The following FAM120C variants were observed in gnomAD, a reference collection of about 807,000 sequenced individuals.
The protein encoded by FAM120C is constitutive coactivator of PPAR-gamma-like protein 2.
A neutral mutation model predicts 71.2 loss-of-function variants in FAM120C; 14 were observed. The ratio of observed to expected loss-of-function variants is 0.20; its 90% CI spans 0.13 to 0.31. The LOEUF is 0.31. FAM120C is among the 10% of genes least tolerant of loss of function. FAM120C has a pLI of 1.00. For synonymous variants in FAM120C, 354 were observed against 353.2 expected, an observed-to-expected ratio of 1.00 and a Z score of -0.03; for missense variants, 500 against 879.0, an observed-to-expected ratio of 0.57 and a Z score of 5.45.
intron 15 of FAM120C, among the ~76,000 whole-genome samples, chrX:54,078,358 G>C (rs1557120935): frequency 1.8e-5 from 2 of 111,339 alleles, no homozygotes; most frequent in Non-Finnish European, 3.8e-5. Flanking sequence ...GAGCCTATCT[G>C]GTGATTAGCT....
At chrX:54,162,451 A>T (rs2067239955) in intron 1 of FAM120C, among the ~76,000 whole-genome samples, 1 of 111,854 alleles carries the variant, frequency 8.9e-6, no homozygotes, top group South Asian at 3.7e-4. Context: ...TCACAGAACT[A>T]ATTTGACAAT....
chrX:54,124,855 C>A (rs1407604478), intron 9 of FAM120C, among the ~76,000 whole-genome samples: 1 of 112,173 alleles, frequency 8.9e-6, no homozygotes, highest in African/African-American at 3.2e-5. Context: ...CTGTGCATGT[C>A]TTTTGCCAAT....
At chrX:54,148,661 G>A (rs934279665) in intron 4 of FAM120C, among the ~76,000 whole-genome samples, 2 of 111,526 alleles carry the variant, frequency 1.8e-5, no homozygotes, top group Non-Finnish European at 3.8e-5. Flanking sequence ...AGAAAAAAAT[G>A]TTCATCATTA....
At chrX:54,129,596 C>T (rs1557128893) in intron 9 of FAM120C, among the ~76,000 whole-genome samples, 2 of 111,605 alleles carry the variant, frequency 1.8e-5, no homozygotes, top group Non-Finnish European at 1.9e-5. Context: ...GGCAGAGACG[C>T]TCCTCACTTC....
chrX:54,112,341 C>G (rs1458229227), intron 10 of FAM120C, among the ~76,000 whole-genome samples: 1 of 109,805 alleles, frequency 9.1e-6, no homozygotes, highest in Non-Finnish European at 1.9e-5. Flanking sequence ...CGCTTGAACC[C>G]GAAAGGCAGA....
At chrX:54,132,938 A>G (rs1182265325) in intron 8 of FAM120C, 75 bp from the exon 9 acceptor site, 1 of 857,432 alleles carries the variant, frequency 1.2e-6, no homozygotes, top group Non-Finnish European at 1.6e-6. Flanking sequence ...AGAAGAGCCA[A>G]TAATAAACTG....
chrX:54,105,199 C>G (rs2066900635), intron 10 of FAM120C, among the ~76,000 whole-genome samples: 2 of 111,487 alleles, frequency 1.8e-5, no homozygotes, highest in South Asian at 3.8e-4. Context: ...ACATCAAAAA[C>G]CTTGTCCACC....
At position 54,113,930 on chromosome X, in the gene FAM120C, G is replaced by GA. The variant is rs1274913369; in HGVS notation, c.2312+2614dup. 4.6e-3 allele frequency among the ~76,000 whole-genome samples: 486 copies of GA among 105,877 alleles called. 3 individuals carry two copies. Among genetic ancestry groups the GA allele is most frequent in the Non-Finnish European group, 6.3e-3 (325 of 51,272 alleles). The allele number at this position is 105,877 out of a possible 115,157, so 91.9% of individuals were successfully genotyped here. ...AAACTCCATCTCAAAAAAAAGAAAA[G>GA]AAAAAAAAAGCCTGCACCTGTATGT... is the stretch of plus-strand genomic sequence containing the variant. On this transcript the variant is annotated intron_variant, in intron 10 of 15. Transcript: ENST00000375180.
chrX:54,174,179 A>T (rs1557136359), intron 1 of FAM120C: 1 of 512,609 alleles, frequency 2.0e-6, no homozygotes. Flanking sequence ...GAAGAGCCAG[A>T]GAGAAAGAGA....
At chrX:54,134,694 A>C (rs1557130088) in intron 7 of FAM120C, 137 bp downstream of exon 7, 6 of 619,995 alleles carry the variant, frequency 9.7e-6, no homozygotes, top group Non-Finnish European at 1.4e-5. Flanking sequence ...ACGTTTTCCT[A>C]CTTTGCTTTC....
In FAM120C at chrX:54,129,508, C is replaced by G. The variant is rs781786882; in HGVS notation, c.2062+3184G>C. Among the ~76,000 whole-genome samples the G allele has an allele frequency of 8.4e-5, 9 of 107,356 alleles. No individual in the cohort carries two copies. In the South Asian group the frequency reaches 3.4e-3, roughly 41 times the overall value. The allele number at this position is 107,356 out of a possible 115,157, so 93.2% of individuals were successfully genotyped here. The stretch of plus-strand genomic sequence containing the variant: ...CTCACTTCCTAGATCGGATGGAGGC[C>G]GGGCAGAGACGCTCCTCACTTTCCA... On this transcript the variant is annotated intron_variant, in intron 9 of 15. Coordinates refer to ENST00000375180, the MANE Select transcript of FAM120C (RefSeq NM_017848.6).
At position 54,068,362 on chromosome X, in the gene FAM120C, A is replaced by G. The variant is rs1167654100; in HGVS notation, c.*4671T>C. ...TTTTTTACTAAAAGAATAGATTTTT[A>G]TTAAGCGTTGTAAGTTTCTTTCCAT... On this transcript the variant is annotated 3_prime_UTR_variant, in exon 16 of 16. Coordinates refer to ENST00000375180, the MANE Select transcript of FAM120C (RefSeq NM_017848.6). 3.6e-5 allele frequency: 4 copies of G among 112,172 alleles called. No individual in the cohort carries two copies. The highest frequency in any genetic ancestry group is 1.3e-4 in the African/African-American group (4 of 30,949). 9.2% of individuals were successfully genotyped at this position (112,172 alleles called of 1,213,427 possible).
chrX:54,134,402 T>G (rs1462008445), intron 7 of FAM120C, among the ~76,000 whole-genome samples: 11 of 112,402 alleles, frequency 9.8e-5, no homozygotes, highest in Non-Finnish European at 1.9e-4. Context: ...AACGAACAAA[T>G]GAGCTAGCAC....
chrX:54,125,673 T>C (rs2067023652), intron 9 of FAM120C, among the ~76,000 whole-genome samples: 1 of 112,991 alleles, frequency 8.9e-6, no homozygotes, highest in Non-Finnish European at 1.9e-5. Context: ...TTTCAACTTA[T>C]TCTTCCTTTT....
At chrX:54,134,082 G>C (rs781929119) in intron 7 of FAM120C, 36 bp from the exon 8 acceptor site, 1 of 1,176,548 alleles carries the variant, frequency 8.5e-7, no homozygotes, top group Non-Finnish European at 1.1e-6. Flanking sequence ...AAACAGAAAA[G>C]GGAGATTGAT....
At chrX:54,160,052 G>C (rs2067228698) in intron 1 of FAM120C, among the ~76,000 whole-genome samples, 1 of 110,398 alleles carries the variant, frequency 9.1e-6, no homozygotes, top group African/African-American at 3.3e-5. Context: ...TTCAAAATTA[G>C]AATACTGAAA....
At chrX:54,102,069 C>T (rs1347626348) in intron 10 of FAM120C, among the ~76,000 whole-genome samples, 3 of 109,256 alleles carry the variant, frequency 2.7e-5, no homozygotes, top group African/African-American at 1.0e-4. Flanking sequence ...GGGTCTTGCT[C>T]TGTCACCCAG....
chrX:54,163,884 T>TTG lies in FAM120C; in HGVS notation c.700-4270_700-4269dup, dbSNP rs782142864. ...CTACCTTGCCCCCCTCCTTTTTATGTTGTGTGTGTGTGTGTGTGTGTGTGT... is the reference window on the plus strand; with the variant it reads ...CTACCTTGCCCCCCTCCTTTTTATGTTGTGTGTGTGTGTGTGTGTGTGTGTGT... On this transcript the variant is annotated intron_variant, in intron 1 of 15. Coordinates refer to ENST00000375180, the MANE Select transcript of FAM120C (RefSeq NM_017848.6). 3.0e-3 allele frequency among the ~76,000 whole-genome samples: 306 copies of TTG among 102,977 alleles called. 4 individuals are homozygous for TTG. In the East Asian group the frequency reaches 0.03, roughly 10 times the overall value. 89.4% of individuals were successfully genotyped at this position (102,977 alleles called of 115,157 possible). A position where few individuals can be genotyped will look rare whatever the true frequency, so the allele number is the denominator to read the frequency against.
intron 9 of FAM120C, among the ~76,000 whole-genome samples, chrX:54,117,533 A>T: frequency 1.1e-5 from 1 of 94,273 alleles, no homozygotes; most frequent in East Asian, 3.4e-4. Context: ...TGTTTCTACC[A>T]AAAAAAAAAA....
Sources: allele counts gnomAD v4.1 joint callset (sites outside exome capture counted in the v4.1 genomes callset), GRCh38; gene constraint gnomAD v4.1.1; transcripts MANE v1.5; gene names NCBI Gene and HGNC (gene_info 2026-07-23, HGNC 2026-07-21).